CRISP2: variants seen among roughly 807,000 people sequenced by gnomAD.
The protein encoded by CRISP2 is cysteine-rich secretory protein 2.
Under a neutral mutation model 31.7 loss-of-function variants are expected in CRISP2, and 29 were observed. That is an observed-to-expected ratio of 0.92 (90% CI 0.68 to 1.25). The LOEUF (loss-of-function observed/expected upper bound fraction) is 1.25, where lower values mean the gene tolerates loss of function less well. Among genes scored for constraint, CRISP2 ranks in the 50% most tolerant of loss-of-function variants. CRISP2 has a pLI of 0.00. For synonymous variants in CRISP2, 111 were observed against 101.4 expected (o/e 1.09, Z -0.57); for missense variants, 318 against 286.5 (o/e 1.11, Z -0.79).
At chr6:49,701,218 C>T (rs1302935612) in intron 4 of CRISP2, among the ~76,000 whole-genome samples, 2 of 151,708 alleles carry the variant, frequency 1.3e-5, no homozygotes, top group East Asian at 3.9e-4. Flanking sequence ...TTTTGGTGCA[C>T]CCATCACCCC....
chr6:49,699,568 G>T (rs556100948), intron 6 of CRISP2, among the ~76,000 whole-genome samples: 20 of 152,094 alleles, frequency 1.3e-4, no homozygotes, highest in African/African-American at 4.8e-4. Context: ...TATAAAATCT[G>T]CTGTACTCAT....
chr6:49,697,024 A>G (rs193197223), intron 8 of CRISP2, among the ~76,000 whole-genome samples: 1 of 152,278 alleles, frequency 6.6e-6, no homozygotes, highest in African/African-American at 2.4e-5. Context: ...TACTTTAAAG[A>G]AAATGACTTT....
chr6:49,680,464 T>A, the CRISP2 span, among the ~76,000 whole-genome samples: 1 of 152,178 alleles, frequency 6.6e-6, no homozygotes, highest in African/African-American at 2.4e-5. Flanking sequence ...AATTAACATA[T>A]ATGTGCACGT....
At chr6:49,712,057 G>A (rs1220598871) in intron 2 of CRISP2, among the ~76,000 whole-genome samples, 1 of 152,130 alleles carries the variant, frequency 6.6e-6, no homozygotes, top group Non-Finnish European at 1.5e-5. Flanking sequence ...TTCCTTCCAG[G>A]TGTTATAGGA....
the CRISP2 span, among the ~76,000 whole-genome samples, chr6:49,680,717 C>T: frequency 6.6e-6 from 1 of 152,176 alleles, no homozygotes; most frequent in African/African-American, 2.4e-5. Flanking sequence ...GACGGTCTCT[C>T]ATTGTGGTTT....
the CRISP2 span, among the ~76,000 whole-genome samples, chr6:49,678,733 G>A: frequency 6.6e-6 from 1 of 152,144 alleles, no homozygotes; most frequent in Non-Finnish European, 1.5e-5. Context: ...TGTACACTAA[G>A]CAGGAGCAGC....
chr6:49,696,510 C>A (rs1219997620), intron 8 of CRISP2, among the ~76,000 whole-genome samples: 1 of 149,158 alleles, frequency 6.7e-6, no homozygotes, highest in Admixed American at 6.7e-5. Context: ...GGTTTGTGAG[C>A]TTCTAGAGGT....
intron 8 of CRISP2, among the ~76,000 whole-genome samples, chr6:49,696,341 T>C (rs549145563): frequency 6.6e-6 from 1 of 152,230 alleles, no homozygotes; most frequent in Non-Finnish European, 1.5e-5. Context: ...ATATGCAATG[T>C]TAAAATATCA....
downstream of CRISP2, among the ~76,000 whole-genome samples, chr6:49,689,008 A>T (rs1462102934): frequency 6.6e-6 from 1 of 152,020 alleles, no homozygotes; most frequent in East Asian, 1.9e-4. Context: ...AGTAGCTGGG[A>T]TTATAGGCAC....
chr6:49,699,715 CAA>C, intron 6 of CRISP2, 87 bp downstream of exon 6: 1 of 910,254 alleles, frequency 1.1e-6, no homozygotes, highest in South Asian at 1.6e-5. Flanking sequence ...CATTTATTTT[CAA>C]AGTCTTCTTA....
intron 3 of CRISP2, among the ~76,000 whole-genome samples, chr6:49,710,820 A>G (rs1326338220): frequency 6.6e-6 from 1 of 152,204 alleles, no homozygotes; most frequent in African/African-American, 2.4e-5. Context: ...ATACAAATTT[A>G]TTAAAGTTTT....
chr6:49,687,155 A>G, the CRISP2 span, among the ~76,000 whole-genome samples: 1 of 152,184 alleles, frequency 6.6e-6, no homozygotes, highest in African/African-American at 2.4e-5. Flanking sequence ...ATACATATGT[A>G]ACAAACCTGC....
At chr6:49,689,804 C>T (rs915584949), downstream of CRISP2, among the ~76,000 whole-genome samples, 2 of 151,788 alleles carry the variant, frequency 1.3e-5, no homozygotes, top group Non-Finnish European at 2.9e-5. Flanking sequence ...AATCAGAATC[C>T]CCCTCTCCTC....
At position 49,698,416 on chromosome 6, in the gene CRISP2, A is replaced by T; in HGVS notation, c.363T>A (p.Phe121Leu). 1.2e-6 allele frequency: 2 copies of T among 1,613,564 alleles called. No homozygotes were observed. Among genetic ancestry groups the T allele is most frequent in the Non-Finnish European group, 1.7e-6 (2 of 1,179,662 alleles). Residue 121 changes from phenylalanine to leucine, a missense_variant, in exon 7 of 10, where the codon TTT (phenylalanine) becomes TTA (leucine). Physicochemically the swap from Phe to Leu is conservative, Grantham distance 22 (BLOSUM62 0). Coordinates refer to ENST00000339139, the MANE Select transcript of CRISP2 (RefSeq NM_003296.4). Reference protein sequence around the residue: ...IQSWYDEILDFVYGVGPKSPN... With the variant: ...IQSWYDEILDLVYGVGPKSPN... Reference sequence around the variant, plus strand: ...GACTCTTTGGTCCTACACCATAGACAAAATCTAGGATCTCGTCATACCAGC... The same window carrying T: ...GACTCTTTGGTCCTACACCATAGACTAAATCTAGGATCTCGTCATACCAGC...
At position 49,692,800 on chromosome 6, in the gene CRISP2, A is replaced by G. The variant is rs1764140350; in HGVS notation, c.705T>C (p.Thr235=). 1 of 1,613,730 alleles carries G rather than the reference A, an allele frequency of 6.2e-7. No homozygotes were observed. Among genetic ancestry groups the G allele is most frequent in the East Asian group, 2.2e-5 (1 of 44,850 alleles). Residue 235 remains threonine, a synonymous_variant, in exon 10 of 10, where the codon ACT becomes ACC. Transcript: ENST00000339139. The part of the protein sequence containing the change: ...HELLKEKCKA[T]CLCENKIY ...AGTAAATTTTGTTCTCACATAGGCAAGTAGCCTTGCACTTTTCCTTGAGTA... is the reference window on the plus strand; with the variant it reads ...AGTAAATTTTGTTCTCACATAGGCAGGTAGCCTTGCACTTTTCCTTGAGTA...
intron 3 of CRISP2, 86 bp from the exon 4 acceptor site, chr6:49,709,291 T>C (rs1767597192): frequency 1.8e-6 from 2 of 1,142,444 alleles, no homozygotes; most frequent in Non-Finnish European, 2.6e-6. Context: ...ATGATCTCGA[T>C]TATCTCAAAG....
chr6:49,704,877 C>T (rs1401590367), intron 4 of CRISP2, among the ~76,000 whole-genome samples: 1 of 152,126 alleles, frequency 6.6e-6, no homozygotes, highest in Non-Finnish European at 1.5e-5. Context: ...TCTGGTTAGC[C>T]AGGATGTTAC....
At chr6:49,704,655 G>A (rs143243146) in intron 4 of CRISP2, among the ~76,000 whole-genome samples, 1 of 152,158 alleles carries the variant, frequency 6.6e-6, no homozygotes, top group Non-Finnish European at 1.5e-5. Context: ...TGGGCTCCAG[G>A]CTGGTACTGG....
chr6:49,695,980 G>T, intron 8 of CRISP2, 56 bp from the exon 9 acceptor site: 2 of 1,117,858 alleles, frequency 1.8e-6, no homozygotes, highest in Non-Finnish European at 2.7e-6. Flanking sequence ...TACTCTAAGG[G>T]CAGTATCAGT....
Sources: gnomAD v4.1 joint callset for allele counts (sites outside exome capture counted in the v4.1 genomes callset) on GRCh38, gnomAD v4.1.1 for gene constraint, MANE v1.5 for transcripts, NCBI Gene and HGNC (gene_info 2026-07-23, HGNC 2026-07-21) for gene names.